Variants in CEP112 observed in about 807,000 individuals in gnomAD.
CEP112 encodes the protein centrosomal protein 112, also known as centrosomal protein of 112 kDa.
CEP112 carries 127 observed loss-of-function variants against 153.0 expected under a neutral mutation model. The ratio of observed to expected loss-of-function variants is 0.83; its 90% CI spans 0.72 to 0.96. The LOEUF is 0.96. CEP112 is among the 40% of genes least tolerant of loss of function. The probability of loss-of-function intolerance (pLI) is 0.00; values close to 1 mark genes in which losing one functional copy is unlikely to be tolerated. For missense variants in CEP112, 1,089 were observed against 1,101.2 expected (o/e 0.99, Z 0.16); for synonymous variants, 358 against 374.4 (o/e 0.96, Z 0.51).
chr17:66,069,898 C>T lies in CEP112; in HGVS notation c.855+17G>A, dbSNP rs773530626. 6.2e-6 allele frequency: 9 copies of T among 1,440,148 alleles called. No homozygotes were observed. The highest frequency in any genetic ancestry group is 2.3e-5 in the East Asian group (1 of 43,488). The allele number at this position is 1,440,148 out of a possible 1,614,324, so 89.2% of individuals were successfully genotyped here. On this transcript the variant is annotated intron_variant, in intron 9 of 26. Transcript: ENST00000535342. ...TTTAGTGTTCAATATAATTAAAACACGAGATATATATCCTACCTTCTGAAC... is the reference window on the plus strand; with the variant it reads ...TTTAGTGTTCAATATAATTAAAACATGAGATATATATCCTACCTTCTGAAC...
At chr17:65,965,351 G>A (rs57674093) in intron 17 of CEP112, among the ~76,000 whole-genome samples, 59 of 152,200 alleles carry the variant, frequency 3.9e-4, no homozygotes, top group Middle Eastern at 6.8e-3. Flanking sequence ...TATAAGCACA[G>A]GGAAATATGT....
intron 6 of CEP112, among the ~76,000 whole-genome samples, chr17:66,127,335 A>T (rs1432133168): frequency 6.6e-6 from 1 of 152,178 alleles, no homozygotes; most frequent in Non-Finnish European, 1.5e-5. Flanking sequence ...TTCCACTTTG[A>T]TGTTGCTCTC....
rs71160510 is a variant in CEP112 at position 65,951,749 on chromosome 17, C to CCCCCCTG, written c.1872+9713_1872+9714insCAGGGGG. ...TCTGCTCTAATCTTCCCCCGCCCCC[C>CCCCCCTG]CCTTTCTTCCACTTGCTTAGAAGCT... On this transcript the variant is annotated intron_variant, in intron 18 of 26. Coordinates refer to ENST00000535342, the MANE Select transcript of CEP112 (RefSeq NM_001199165.4). Among the ~76,000 whole-genome samples, 19 of 106,240 alleles carry CCCCCCTG rather than the reference C, an allele frequency of 1.8e-4. 3 individuals are homozygous for CCCCCCTG. In the East Asian group the frequency reaches 3.9e-3, roughly 22 times the overall value. 69.7% of individuals were successfully genotyped at this position (106,240 alleles called of 152,430 possible). A position where few individuals can be genotyped will look rare whatever the true frequency, so the allele number is the denominator to read the frequency against.
chr17:66,179,609 A>C (rs1309017132), intron 2 of CEP112, among the ~76,000 whole-genome samples: 2 of 152,112 alleles, frequency 1.3e-5, no homozygotes, highest in Admixed American at 6.6e-5. Context: ...AGGTATTTCC[A>C]ATATAAGATC....
chr17:66,156,590 T>A lies in CEP112; in HGVS notation c.470+18454A>T, dbSNP rs189091225. The stretch of plus-strand genomic sequence containing the variant: ...TGGGTAATAACAAACTCCTCTGAGC[T>A]AAAGGAGCATGTTCTAACCCAATGC... On this transcript the variant is annotated intron_variant, in intron 4 of 26. Transcript: ENST00000535342. 3.4e-3 allele frequency among the ~76,000 whole-genome samples: 524 copies of A among 152,172 alleles called. 1 individual carries two copies. The highest frequency in any genetic ancestry group is 0.012 in the African/African-American group (482 of 41,518).
At chr17:66,182,413 T>C (rs1446102127) in intron 2 of CEP112, 1 of 152,198 alleles carries the variant, frequency 6.6e-6, no homozygotes, top group African/African-American at 2.4e-5. Context: ...GGGATTGCTA[T>C]ATTTAATACT....
At chr17:65,736,021 C>T (rs934599117) in intron 23 of CEP112, among the ~76,000 whole-genome samples, 6 of 152,064 alleles carry the variant, frequency 3.9e-5, no homozygotes, top group African/African-American at 1.4e-4. Context: ...AGAAAAGTTA[C>T]CTTATCAGTA....
chr17:65,641,811 T>C (rs866706900), intron 24 of CEP112, among the ~76,000 whole-genome samples: 17 of 152,148 alleles, frequency 1.1e-4, no homozygotes, highest in African/African-American at 3.9e-4. Flanking sequence ...ATGTGATTCA[T>C]ATAATCATGA....
intron 20 of CEP112, among the ~76,000 whole-genome samples, chr17:65,877,124 G>A (rs920297129): frequency 2.3e-4 from 35 of 152,224 alleles, no homozygotes; most frequent in African/African-American, 5.8e-4. Context: ...GCCTGATTGC[G>A]GCCCAGCCCT....
rs190468556 is a variant in CEP112 at position 65,986,192 on chromosome 17, G to T, written c.1736+19498C>A. On this transcript the variant is annotated intron_variant, in intron 17 of 26. Coordinates refer to ENST00000535342, the MANE Select transcript of CEP112 (RefSeq NM_001199165.4). ...AAAGGGGGAAAAAAAATAAAACATC[G>T]CAAGAACAGTAATAACTCAGATAAA... is the stretch of plus-strand genomic sequence containing the variant. Among the ~76,000 whole-genome samples, 62 of 151,960 alleles carry T rather than the reference G, an allele frequency of 4.1e-4. 1 individual carries two copies. The highest frequency in any genetic ancestry group is 1.4e-3 in the African/African-American group (58 of 41,448).
intron 21 of CEP112, 102 bp downstream of exon 21, chr17:65,851,702 T>C: frequency 1.3e-6 from 1 of 799,372 alleles, no homozygotes; most frequent in East Asian, 2.4e-5. Context: ...TAAAGAGTAA[T>C]GCCATGTCTA....
chr17:66,125,824 G>C (rs1335692958), intron 6 of CEP112, among the ~76,000 whole-genome samples: 1 of 152,110 alleles, frequency 6.6e-6, no homozygotes, highest in Non-Finnish European at 1.5e-5. Context: ...TGTGTAATTA[G>C]AATTGCAAAG....
chr17:65,857,465 C>G (rs967532558), intron 20 of CEP112, among the ~76,000 whole-genome samples: 1 of 152,312 alleles, frequency 6.6e-6, no homozygotes, highest in Middle Eastern at 3.4e-3. Context: ...GCTAACCGAA[C>G]TCCTGACCTC....
intron 19 of CEP112, among the ~76,000 whole-genome samples, chr17:65,920,597 T>G (rs2060689456): frequency 6.6e-6 from 1 of 150,856 alleles, no homozygotes; most frequent in Non-Finnish European, 1.5e-5. Flanking sequence ...ACCTTAAATT[T>G]ACAAACAGAG....
intron 26 of CEP112, 99 bp from the exon 27 acceptor site, chr17:65,636,073 A>G (rs2044751200): frequency 5.2e-6 from 6 of 1,163,542 alleles, no homozygotes; most frequent in Non-Finnish European, 7.5e-6. Flanking sequence ...AGGGGTTGAA[A>G]AGGCTATTTG....
chr17:65,947,055 T>G (rs1392907262), intron 18 of CEP112, among the ~76,000 whole-genome samples: 1 of 152,200 alleles, frequency 6.6e-6, no homozygotes, highest in Non-Finnish European at 1.5e-5. Context: ...AAAATTTACT[T>G]GTATATTTAT....
intron 21 of CEP112, among the ~76,000 whole-genome samples, chr17:65,785,964 CA>C (rs1214809626): frequency 6.6e-6 from 1 of 152,004 alleles, no homozygotes; most frequent in East Asian, 1.9e-4. Flanking sequence ...CTAAAAAAGG[CA>C]GTTGGGATTT....
intron 18 of CEP112, among the ~76,000 whole-genome samples, chr17:65,940,521 T>C (rs1269487050): frequency 6.6e-6 from 1 of 152,098 alleles, no homozygotes; most frequent in Admixed American, 6.5e-5. Flanking sequence ...ATAAAGAAAA[T>C]GTGGCATGTA....
intron 16 of CEP112, among the ~76,000 whole-genome samples, chr17:66,013,056 T>C (rs1330630288): frequency 1.3e-5 from 2 of 152,252 alleles, no homozygotes; most frequent in Non-Finnish European, 1.5e-5. Flanking sequence ...TGAAGTGAGT[T>C]GTCCAGCTCT....
Sources: allele counts gnomAD v4.1 joint callset (sites outside exome capture counted in the v4.1 genomes callset), GRCh38; gene constraint gnomAD v4.1.1; transcripts MANE v1.5; gene names NCBI Gene and HGNC (gene_info 2026-07-23, HGNC 2026-07-21).